Variants in JPH2 observed in about 807,000 individuals in gnomAD.
JPH2 encodes junctophilin 2.
Under a neutral mutation model 55.9 loss-of-function variants are expected in JPH2, and 38 were observed. The ratio of observed to expected loss-of-function variants is 0.68; its 90% CI spans 0.52 to 0.89. JPH2 has a LOEUF of 0.89. Ranked by LOEUF, JPH2 falls within the 40% of genes least tolerant of loss-of-function variation. The pLI is 0.00. For synonymous variants in JPH2, 480 were observed against 472.4 expected (o/e 1.02, Z -0.21); for missense variants, 964 against 1,037.6 (o/e 0.93, Z 0.97).
At chr20:44,154,350 G>A (rs929022377) in intron 2 of JPH2, among the ~76,000 whole-genome samples, 16 of 152,174 alleles carry the variant, frequency 1.1e-4, no homozygotes, top group South Asian at 2.1e-4. Context: ...TTTTAAAAAT[G>A]ATTAATAGGT....
At chr20:44,123,823 C>A (rs1180214469) in intron 2 of JPH2, among the ~76,000 whole-genome samples, 1 of 152,186 alleles carries the variant, frequency 6.6e-6, no homozygotes, top group African/African-American at 2.4e-5. Context: ...AGCACGTGTT[C>A]GGCGGAGAGA....
chr20:44,141,887 A>G (rs1217974910), intron 2 of JPH2, among the ~76,000 whole-genome samples: 1 of 152,170 alleles, frequency 6.6e-6, no homozygotes, highest in Non-Finnish European at 1.5e-5. Context: ...ACCCATGGGT[A>G]GAAACTACAG....
intron 1 of JPH2, among the ~76,000 whole-genome samples, chr20:44,181,192 G>A (rs1259851845): frequency 6.6e-6 from 1 of 152,254 alleles, no homozygotes; most frequent in Non-Finnish European, 1.5e-5. Flanking sequence ...GGGTCGGCGA[G>A]ATGGGAATGA....
intron 2 of JPH2, among the ~76,000 whole-genome samples, chr20:44,154,571 A>G (rs2072552121): frequency 1.3e-5 from 2 of 152,158 alleles, no homozygotes; most frequent in African/African-American, 4.8e-5. Flanking sequence ...TCTCTTAGAA[A>G]AGATGTCCTG....
chr20:44,187,085 T>A lies in JPH2; in HGVS notation c.-380A>T. On this transcript the variant is annotated 5_prime_UTR_variant, in exon 1 of 6. It adds an upstream start codon to the 5' untranslated region. Coordinates refer to ENST00000372980, the MANE Select transcript of JPH2 (RefSeq NM_020433.5). ...GGGTGGGGTGGAGGGGTCCCCAGCC[T>A]TTTCAAAGAGGGGAAATTCCCCTCG... 1 of 203,876 alleles carries A rather than the reference T, an allele frequency of 4.9e-6. No homozygotes were observed. The allele number at this position is 203,876 out of a possible 1,614,324, so 12.6% of individuals were successfully genotyped here.
chr20:44,155,692 A>G (rs2072560701), intron 2 of JPH2, among the ~76,000 whole-genome samples: 1 of 152,166 alleles, frequency 6.6e-6, no homozygotes, highest in South Asian at 2.1e-4. Context: ...GAAACATATC[A>G]GACAAACCCA....
chr20:44,181,047 AG>A (rs1259585254), intron 1 of JPH2, among the ~76,000 whole-genome samples: 1 of 151,690 alleles, frequency 6.6e-6, no homozygotes, highest in Non-Finnish European at 1.5e-5. Flanking sequence ...GGGCTATAGG[AG>A]GGGGAGGGGT....
intron 2 of JPH2, among the ~76,000 whole-genome samples, chr20:44,147,241 C>T (rs1335383349): frequency 6.6e-6 from 1 of 152,198 alleles, no homozygotes; most frequent in Non-Finnish European, 1.5e-5. Flanking sequence ...TGATGGGATA[C>T]ATTGCCTGGC....
Position 44,108,632 on chromosome 20 carries a change from CAAAAAA to C in JPH2, c.*4880_*4885del, listed in dbSNP as rs10630926. 7.9e-6 allele frequency among the ~76,000 whole-genome samples: 1 copy of C among 127,064 alleles called. No individual in the cohort carries two copies. The highest frequency in any genetic ancestry group is 2.3e-4 in the East Asian group (1 of 4,426). 83.4% of individuals were successfully genotyped at this position (127,064 alleles called of 152,430 possible). On this transcript the variant is annotated 3_prime_UTR_variant, in exon 6 of 6. Transcript: ENST00000372980. ...TGGGTGACAGAATGAGACTCTGTCT[CAAAAAA>C]AAAAAAAAAGAAAAGAGGAAGAAGA...
intron 5 of JPH2, 49 bp downstream of exon 5, chr20:44,114,732 TC>T: frequency 7.2e-7 from 1 of 1,391,680 alleles, no homozygotes; most frequent in Non-Finnish European, 1.0e-6. Context: ...TGCTCAAAAC[TC>T]CCCAGGGGCT....
intron 2 of JPH2, among the ~76,000 whole-genome samples, chr20:44,136,049 T>C (rs1270778576): frequency 2.6e-5 from 4 of 152,186 alleles, no homozygotes; most frequent in Non-Finnish European, 5.9e-5. Flanking sequence ...AGCATTTCAA[T>C]AACTTGCCCA....
At position 44,160,455 on chromosome 20, in the gene JPH2, G is replaced by A; in HGVS notation, c.380-48C>T. On this transcript the variant is annotated intron_variant, in intron 1 of 5. Coordinates refer to ENST00000372980, the MANE Select transcript of JPH2 (RefSeq NM_020433.5). The surrounding 1 kb of genome is among the most constrained non-coding windows in gnomAD (Gnocchi z 4.9). ...TCAGTAGGCGGCACGACGGGTCCCC[G>A]CGTGTGCACGGTGGCCTGGGAGGGC... is the stretch of plus-strand genomic sequence containing the variant. 1 of 1,584,234 alleles carries A rather than the reference G, an allele frequency of 6.3e-7. No individual in the cohort carries two copies. The highest frequency in any genetic ancestry group is 8.6e-7 in the Non-Finnish European group (1 of 1,165,762).
At chr20:44,181,656 C>T (rs2072784345) in intron 1 of JPH2, among the ~76,000 whole-genome samples, 1 of 152,178 alleles carries the variant, frequency 6.6e-6, no homozygotes, top group Admixed American at 6.5e-5. Context: ...AGCTGGATGG[C>T]AAGTTTTGGA....
At chr20:44,121,774 C>G (rs1322535230) in intron 2 of JPH2, among the ~76,000 whole-genome samples, 1 of 151,730 alleles carries the variant, frequency 6.6e-6, no homozygotes, top group Non-Finnish European at 1.5e-5. Flanking sequence ...ATCACTTGAG[C>G]TCAGGAGTTC....
intron 1 of JPH2, among the ~76,000 whole-genome samples, chr20:44,179,688 G>A (rs1290838577): frequency 6.6e-6 from 1 of 151,866 alleles, no homozygotes; most frequent in African/African-American, 2.4e-5. Context: ...TTTTGCACTG[G>A]GTCTCACGAA....
At chr20:44,147,653 C>G in intron 2 of JPH2, among the ~76,000 whole-genome samples, 1 of 152,158 alleles carries the variant, frequency 6.6e-6, no homozygotes, top group East Asian at 1.9e-4. Flanking sequence ...TTATTTTGTA[C>G]GTGTATGACC....
Position 44,107,569 on chromosome 20 carries a change from A to G in JPH2, c.*5949T>C, listed in dbSNP as rs902194041. Reference sequence around the variant, plus strand: ...ATGCAGAGACCAAAAAAGCCCTAGGATATGTAGAACCACAGATGGAAAAAA... The same window carrying G: ...ATGCAGAGACCAAAAAAGCCCTAGGGTATGTAGAACCACAGATGGAAAAAA... On this transcript the variant is annotated 3_prime_UTR_variant, in exon 6 of 6. Transcript: ENST00000372980. Among the ~76,000 whole-genome samples the G allele has an allele frequency of 6.6e-6, 1 of 152,164 alleles. No homozygotes were observed. The highest frequency in any genetic ancestry group is 6.5e-5 in the Admixed American group (1 of 15,282).
rs2072138787 is a variant in JPH2 at position 44,110,996 on chromosome 20, C to T, written c.*2522G>A. Among the ~76,000 whole-genome samples, 3 of 152,206 alleles carry T rather than the reference C, an allele frequency of 2.0e-5. 1 individual carries two copies. The South Asian group carries it at 6.2e-4, about 31-fold the overall frequency. Reference sequence around the variant, plus strand: ...TCTCCAACCCCCTCGCTGGGAACCACCGGCTGTGAGAGTAACTTCATGGGC... The same window carrying T: ...TCTCCAACCCCCTCGCTGGGAACCATCGGCTGTGAGAGTAACTTCATGGGC... On this transcript the variant is annotated 3_prime_UTR_variant, in exon 6 of 6. Transcript: ENST00000372980.
At chr20:44,128,496 G>A (rs956540440) in intron 2 of JPH2, among the ~76,000 whole-genome samples, 2 of 152,086 alleles carry the variant, frequency 1.3e-5, no homozygotes, top group Admixed American at 6.6e-5. Flanking sequence ...ACAAGCCTAT[G>A]GGGCAGGAGA....
Sources: allele counts gnomAD v4.1 joint callset (sites outside exome capture counted in the v4.1 genomes callset), GRCh38; gene constraint gnomAD v4.1.1; non-coding constraint Gnocchi (gnomAD v3.1); transcripts MANE v1.5; gene names NCBI Gene and HGNC (gene_info 2026-07-23, HGNC 2026-07-21).